Variants in PLXDC1 observed in about 807,000 individuals in gnomAD.
PLXDC1 encodes plexin domain-containing protein 1.
Under a neutral mutation model 61.3 loss-of-function variants are expected in PLXDC1, and 39 were observed. The ratio of observed to expected loss-of-function variants is 0.64; its 90% confidence interval spans 0.49 to 0.83. PLXDC1 has a LOEUF of 0.83. Among genes scored for constraint, PLXDC1 ranks in the 40% least tolerant of loss-of-function variants. The pLI, the probability that PLXDC1 is intolerant of heterozygous loss-of-function variation, is 0.00. For missense variants in PLXDC1, 596 were observed against 666.5 expected, an observed-to-expected ratio of 0.89 and a Z score of 1.17; for synonymous variants, 212 against 254.5, an observed-to-expected ratio of 0.83 and a Z score of 1.59.
chr17:39,118,638 A>G (rs1011701148), intron 2 of PLXDC1, among the ~76,000 whole-genome samples: 4 of 152,184 alleles, frequency 2.6e-5, no homozygotes, highest in African/African-American at 9.7e-5. Flanking sequence ...CCCCATCCCA[A>G]TGACGTTTGC....
At chr17:39,109,030 A>G (rs1910700324) in intron 3 of PLXDC1, 57 bp from the exon 4 acceptor site, 2 of 1,394,274 alleles carry the variant, frequency 1.4e-6, no homozygotes, top group Admixed American at 3.5e-5. Context: ...GGGCCTGGGC[A>G]CCCACACTGC....
chr17:39,111,297 A>G (rs1910791656), intron 2 of PLXDC1, among the ~76,000 whole-genome samples: 2 of 150,932 alleles, frequency 1.3e-5, no homozygotes, highest in African/African-American at 5.0e-5. Context: ...GCCTTCTTTT[A>G]TTGTTGAGAC....
At chr17:39,108,681 C>G (rs8082161) in intron 4 of PLXDC1, 1 of 579,482 alleles carries the variant, frequency 1.7e-6, no homozygotes. Flanking sequence ...CGTGCTGGCC[C>G]GAGGAGACAC....
rs1340629556 is a variant in PLXDC1, at chr17:39,079,246, G to C, written c.990-82C>G. On this transcript the variant is annotated intron_variant, in intron 9 of 13. Coordinates refer to ENST00000315392, the MANE Select transcript of PLXDC1 (RefSeq NM_020405.5). ...TTTCACTGTTCAGTAACAGCTCTCT[G>C]CTGATAGTGAGAAGAGGAGCCAAGG... The C allele has an allele frequency of 8.1e-6, 10 of 1,227,926 alleles. No homozygotes were observed. The East Asian group carries it at 2.1e-4, about 26-fold the overall frequency. 76.1% of individuals were successfully genotyped at this position (1,227,926 alleles called of 1,614,324 possible).
intron 2 of PLXDC1, among the ~76,000 whole-genome samples, chr17:39,137,891 G>C (rs35794358): frequency 2.0e-5 from 3 of 151,972 alleles, no homozygotes; most frequent in Admixed American, 6.6e-5. Flanking sequence ...GAAGTTTCTC[G>C]GGGGGATAAA....
At chr17:39,068,003 C>T (rs747522351) in intron 13 of PLXDC1, 44 bp from the exon 14 acceptor site, 5 of 1,599,430 alleles carry the variant, frequency 3.1e-6, no homozygotes, top group Non-Finnish European at 4.3e-6. Flanking sequence ...TGCCCCCGCC[C>T]CCATGGGGAC....
At chr17:39,113,577 A>C (rs888601316) in intron 2 of PLXDC1, among the ~76,000 whole-genome samples, 35 of 152,210 alleles carry the variant, frequency 2.3e-4, no homozygotes, top group African/African-American at 8.4e-4. Flanking sequence ...ACAGTGGTTC[A>C]TGCCTGTAAT....
intron 1 of PLXDC1, among the ~76,000 whole-genome samples, chr17:39,145,676 C>T (rs150424584): frequency 4.3e-4 from 66 of 152,248 alleles, no homozygotes; most frequent in Admixed American, 2.0e-3. Context: ...TTTAAATGCC[C>T]TGAGTACCTG....
intron 2 of PLXDC1, among the ~76,000 whole-genome samples, chr17:39,139,136 C>G (rs1197756567): frequency 6.6e-6 from 1 of 152,170 alleles, no homozygotes; most frequent in African/African-American, 2.4e-5. Flanking sequence ...TGCCAGCACC[C>G]CAGAACTGCC....
intron 2 of PLXDC1, among the ~76,000 whole-genome samples, chr17:39,118,823 G>C (rs1449713825): frequency 6.6e-6 from 1 of 152,176 alleles, no homozygotes; most frequent in Admixed American, 6.5e-5. Flanking sequence ...CACCACCCGG[G>C]AGGGTGAAAT....
At chr17:39,108,644 C>A (rs73983207) in intron 4 of PLXDC1, 4 of 540,384 alleles carry the variant, frequency 7.4e-6, no homozygotes, top group African/African-American at 5.7e-5. Context: ...TCAGCAACTC[C>A]GGGACACAGG....
At chr17:39,095,876 GCTGGTCTCAAACTC>G (rs900209011) in intron 7 of PLXDC1, among the ~76,000 whole-genome samples, 43 of 152,096 alleles carry the variant, frequency 2.8e-4, no homozygotes, top group African/African-American at 1.0e-3. Context: ...TCTTGGCCAG[GCTGGTCTCAAACTC>G]CTGGCCTCAA....
chr17:39,139,641 C>G lies in PLXDC1; in HGVS notation c.255+13G>C. 1 of 1,606,562 alleles carries G rather than the reference C, an allele frequency of 6.2e-7. No homozygotes were observed. Among genetic ancestry groups the G allele is most frequent in the Non-Finnish European group, 8.5e-7 (1 of 1,175,440 alleles). On this transcript the variant is annotated intron_variant, in intron 2 of 13. Transcript: ENST00000315392. ...CCCACTTCGCTCCCCCTCCATGTTC[C>G]TCCAGCACTCACCACCACCCTGGTC... is the stretch of plus-strand genomic sequence containing the variant.
Position 39,083,558 on chromosome 17 carries a change from G to A in PLXDC1, c.908-18C>T. On this transcript the variant is annotated intron_variant, in intron 8 of 13. Transcript: ENST00000315392. ...CAGGCAGGCTGCAAGAGAGAAGGCAGTGGCCGCTCAGCACCGAGCCTCTCC... is the reference window on the plus strand; with the variant it reads ...CAGGCAGGCTGCAAGAGAGAAGGCAATGGCCGCTCAGCACCGAGCCTCTCC... 1 of 1,595,358 alleles carries A rather than the reference G, an allele frequency of 6.3e-7. No homozygotes were observed. The highest frequency in any genetic ancestry group is 8.6e-7 in the Non-Finnish European group (1 of 1,168,858).
At chr17:39,148,742 T>C (rs1350427042) in intron 1 of PLXDC1, among the ~76,000 whole-genome samples, 1 of 151,926 alleles carries the variant, frequency 6.6e-6, no homozygotes, top group Non-Finnish European at 1.5e-5. Flanking sequence ...GCCTAAATCA[T>C]TTATAGACAT....
intron 13 of PLXDC1, among the ~76,000 whole-genome samples, chr17:39,068,659 A>G (rs12451692): frequency 0.23 from 34,576 of 152,206 alleles, 4,872 homozygotes; most frequent in Admixed American, 0.4. Flanking sequence ...CCTAGGCGAC[A>G]GAGTGAGACT....
At chr17:39,128,083 C>CATATATATGTGTGTATATATATG (rs1911371159) in intron 2 of PLXDC1, among the ~76,000 whole-genome samples, 2 of 96,076 alleles carry the variant, frequency 2.1e-5, no homozygotes, top group African/African-American at 3.9e-5. Context: ...CTCTCTCTCT[C>CATATATATGTGTGTATATATATG]TCTCTCTCTA....
intron 2 of PLXDC1, among the ~76,000 whole-genome samples, chr17:39,111,367 C>A (rs900106424): frequency 1.3e-5 from 2 of 152,148 alleles, no homozygotes; most frequent in African/African-American, 4.8e-5. Flanking sequence ...TCACTGCAAC[C>A]TCCGTCTCCC....
In PLXDC1 at chr17:39,077,998, G is replaced by C. The variant is rs1028790996; in HGVS notation, c.1101C>G (p.Ala367=). Residue 367 remains alanine (A), a synonymous_variant, in exon 11 of 14, where the codon GCC becomes GCG. Coordinates refer to ENST00000315392, the MANE Select transcript of PLXDC1 (RefSeq NM_020405.5). ...AGGGGCTGAAGGAAGTGTCAGGGGA[G>C]GCTGAGTCGTGGTCCTCATCCTGGA... ...EDFQDEDHDS[A]SPDTSFSPYD... 6.2e-7 allele frequency: 1 copy of C among 1,613,556 alleles called. No individual in the cohort carries two copies. Among genetic ancestry groups the C allele is most frequent in the Non-Finnish European group, 8.5e-7 (1 of 1,179,678 alleles).
Sources: allele counts gnomAD v4.1 joint callset (sites outside exome capture counted in the v4.1 genomes callset), GRCh38; gene constraint gnomAD v4.1.1; transcripts MANE v1.5; gene names NCBI Gene and HGNC (gene_info 2026-07-23, HGNC 2026-07-21).